DBF4B: variants seen among roughly 807,000 people sequenced by gnomAD.
DBF4B encodes protein DBF4 homolog B.
A neutral mutation model predicts 53.4 loss-of-function variants in DBF4B; 49 were observed. The ratio of observed to expected loss-of-function variants is 0.92; its 90% CI spans 0.73 to 1.16. The LOEUF (loss-of-function observed/expected upper bound fraction) is 1.16, where lower values mean the gene tolerates loss of function less well. Ranked by LOEUF, DBF4B falls within the 50% of genes most tolerant of loss-of-function variation. The pLI, the probability that DBF4B is intolerant of heterozygous loss-of-function variation, is 0.00. For synonymous variants in DBF4B, 257 were observed against 288.7 expected (o/e 0.89, Z 1.11); for missense variants, 692 against 775.0 (o/e 0.89, Z 1.27).
intron 2 of DBF4B, among the ~76,000 whole-genome samples, chr17:44,714,285 A>G (rs537415952): frequency 1.3e-5 from 2 of 152,286 alleles, no homozygotes; most frequent in East Asian, 3.9e-4. Context: ...GAACTCATCC[A>G]GGTAACCAAA....
chr17:44,721,598 T>G (rs1973850790), intron 2 of DBF4B, among the ~76,000 whole-genome samples: 1 of 152,092 alleles, frequency 6.6e-6, no homozygotes, highest in African/African-American at 2.4e-5. Flanking sequence ...TTTATTATAC[T>G]TCAATGGTTT....
intron 3 of DBF4B, among the ~76,000 whole-genome samples, chr17:44,723,309 G>T (rs1010966819): frequency 1.3e-5 from 2 of 152,120 alleles, no homozygotes; most frequent in Admixed American, 6.6e-5. Context: ...GTTTCACCTT[G>T]TTGGCCAGGG....
At position 44,749,179 on chromosome 17, in the gene DBF4B, A is replaced by C. The variant is rs978591042; in HGVS notation, c.1189+714A>C. 2.6e-5 allele frequency: 33 copies of C among 1,289,640 alleles called. No individual in the cohort carries two copies. In the Middle Eastern group the frequency reaches 1.1e-3, roughly 42 times the overall value. The allele number at this position is 1,289,640 out of a possible 1,614,324, so 79.9% of individuals were successfully genotyped here. On this transcript the variant is annotated intron_variant, in intron 13 of 13. Transcript: ENST00000315005. This position sits in a 1 kb window ranked among gnomAD's most constrained non-coding sequence, Gnocchi z 4.4. ...CTCCCTCCTGCAGCCCCTGCCAGCCAGTGCGGGAGCCAGCTGTTCCCGATG... is the reference window on the plus strand; with the variant it reads ...CTCCCTCCTGCAGCCCCTGCCAGCCCGTGCGGGAGCCAGCTGTTCCCGATG...
At chr17:44,717,074 C>T (rs1213024667) in intron 2 of DBF4B, among the ~76,000 whole-genome samples, 3 of 152,136 alleles carry the variant, frequency 2.0e-5, no homozygotes, top group Non-Finnish European at 4.4e-5. Context: ...TATGCAGAAG[C>T]CTGGATCATT....
intron 2 of DBF4B, among the ~76,000 whole-genome samples, chr17:44,710,705 G>T (rs1972788172): frequency 6.6e-6 from 1 of 151,780 alleles, no homozygotes. Flanking sequence ...AGCTGGGACT[G>T]CAGGCACTCA....
intron 2 of DBF4B, among the ~76,000 whole-genome samples, chr17:44,719,607 C>G (rs1422521377): frequency 6.6e-6 from 1 of 152,166 alleles, no homozygotes; most frequent in Non-Finnish European, 1.5e-5. Context: ...CCATGTGGTG[C>G]CATGTGTCAG....
At chr17:44,717,444 C>G (rs191875196) in intron 2 of DBF4B, among the ~76,000 whole-genome samples, 2 of 151,892 alleles carry the variant, frequency 1.3e-5, no homozygotes, top group Non-Finnish European at 2.9e-5. Context: ...TGGTGGCTCA[C>G]GCCTGTAATC....
At chr17:44,750,330 A>C in intron 13 of DBF4B, 1 of 1,259,462 alleles carries the variant, frequency 7.9e-7, no homozygotes, top group Non-Finnish European at 1.0e-6. Context: ...TGTCTCTTTA[A>C]ATGTTGAAGC....
At chr17:44,729,626 A>G (rs1249619932) in intron 3 of DBF4B, among the ~76,000 whole-genome samples, 1 of 151,690 alleles carries the variant, frequency 6.6e-6, no homozygotes, top group Non-Finnish European at 1.5e-5. Context: ...CAAAGCCCGC[A>G]GCCTTCTGCC....
At chr17:44,716,209 T>G (rs1485609843) in intron 2 of DBF4B, among the ~76,000 whole-genome samples, 1 of 152,102 alleles carries the variant, frequency 6.6e-6, no homozygotes, top group African/African-American at 2.4e-5. Context: ...GAGAAGGGGT[T>G]GTCAACTTGA....
Position 44,728,308 on chromosome 17 carries a change from T to G in DBF4B, c.226-1597T>G, listed in dbSNP as rs1352603327. On this transcript the variant is annotated intron_variant, in intron 3 of 13. Coordinates refer to ENST00000315005, the MANE Select transcript of DBF4B (RefSeq NM_145663.3). The stretch of plus-strand genomic sequence containing the variant: ...GCTCCAGAACTCACACATCATAATT[T>G]CCACATGTTCTATTGGTCCAATCGA... Among the ~76,000 whole-genome samples the G allele has an allele frequency of 3.3e-5, 5 of 152,244 alleles. No individual in the cohort carries two copies. The East Asian group carries it at 7.7e-4, about 23-fold the overall frequency.
At position 44,749,976 on chromosome 17, in the gene DBF4B, C is replaced by T; in HGVS notation, c.1190-619C>T. On this transcript the variant is annotated intron_variant, in intron 13 of 13. Coordinates refer to ENST00000315005, the MANE Select transcript of DBF4B (RefSeq NM_145663.3). This position sits in a 1 kb window ranked among gnomAD's most constrained non-coding sequence, Gnocchi z 4.4. ...GCACCACTCACAGAGCTCCCTCCCC[C>T]AGGCACTTAGTTGGGGCCCAGCACT... 9.9e-7 allele frequency: 1 copy of T among 1,006,446 alleles called. No homozygotes were observed. The highest frequency in any genetic ancestry group is 1.2e-6 in the Non-Finnish European group (1 of 842,022). The allele number at this position is 1,006,446 out of a possible 1,614,324, so 62.3% of individuals were successfully genotyped here.
chr17:44,751,489 C>A lies in DBF4B; in HGVS notation c.*236C>A. ...TTTCTGAAGAGGTGTCCTCCCTCCA[C>A]AAGTCACACTGTCTGTCCCTGGCCC... is the stretch of plus-strand genomic sequence containing the variant. On this transcript the variant is annotated 3_prime_UTR_variant, in exon 14 of 14. Coordinates refer to ENST00000315005, the MANE Select transcript of DBF4B (RefSeq NM_145663.3). 1 of 1,403,710 alleles carries A rather than the reference C, an allele frequency of 7.1e-7. No individual in the cohort carries two copies. The allele number at this position is 1,403,710 out of a possible 1,614,324, so 87.0% of individuals were successfully genotyped here. A position where few individuals can be genotyped will look rare whatever the true frequency, so the allele number is the denominator to read the frequency against.
chr17:44,751,280 G>T lies in DBF4B; in HGVS notation c.*27G>T. 1 of 1,596,624 alleles carries T rather than the reference G, an allele frequency of 6.3e-7. No homozygotes were observed. Reference sequence around the variant, plus strand: ...GGTGAACCCAGAACACCTGAGACTTGACCCAGGATGGATGGGTGCTGCTTG... The same window carrying T: ...GGTGAACCCAGAACACCTGAGACTTTACCCAGGATGGATGGGTGCTGCTTG... On this transcript the variant is annotated 3_prime_UTR_variant, in exon 14 of 14. Coordinates refer to ENST00000315005, the MANE Select transcript of DBF4B (RefSeq NM_145663.3).
intron 7 of DBF4B, among the ~76,000 whole-genome samples, chr17:44,735,292 A>AGTTTCTAG (rs1214716891): frequency 2.0e-5 from 3 of 152,202 alleles, no homozygotes; most frequent in Non-Finnish European, 4.4e-5. Flanking sequence ...AAGTGTGAAC[A>AGTTTCTAG]GTTTCTAGGA....
chr17:44,712,042 AGCCGAGACTGT>A (rs1371987885), intron 2 of DBF4B, among the ~76,000 whole-genome samples: 1 of 150,308 alleles, frequency 6.7e-6, no homozygotes, highest in African/African-American at 2.4e-5. Context: ...GGTTGCAGTG[AGCCGAGACTGT>A]GCCATTGCAC....
rs775636978 is a variant in DBF4B, at chr17:44,749,314, G to T, written c.1189+849G>T. The T allele has an allele frequency of 6.2e-6, 8 of 1,290,010 alleles. 1 individual carries two copies. Among genetic ancestry groups the T allele is most frequent in the Non-Finnish European group, 4.0e-6 (4 of 988,854 alleles). The allele number at this position is 1,290,010 out of a possible 1,614,324, so 79.9% of individuals were successfully genotyped here. A position where few individuals can be genotyped will look rare whatever the true frequency, so the allele number is the denominator to read the frequency against. ...TGCTGGCAGAGAGCTGCTCCTACGA[G>T]TCCCCAAGGTGCTTGGCTCTTCACA... On this transcript the variant is annotated intron_variant, in intron 13 of 13. Coordinates refer to ENST00000315005, the MANE Select transcript of DBF4B (RefSeq NM_145663.3). This position sits in a 1 kb window ranked among gnomAD's most constrained non-coding sequence, Gnocchi z 4.4.
At chr17:44,712,301 C>CTTTTTTTT (rs1163777667) in intron 2 of DBF4B, among the ~76,000 whole-genome samples, 8 of 71,934 alleles carry the variant, frequency 1.1e-4, no homozygotes, top group Non-Finnish European at 1.4e-4. Flanking sequence ...ATTATGTCTT[C>CTTTTTTTT]TTTTTTTTTT....
intron 2 of DBF4B, among the ~76,000 whole-genome samples, chr17:44,714,498 C>T (rs1973159709): frequency 6.6e-6 from 1 of 151,932 alleles, no homozygotes; most frequent in South Asian, 2.1e-4. Flanking sequence ...TTTCACTAAA[C>T]AAGTAAGAGG....
Sources: allele counts gnomAD v4.1 joint callset (sites outside exome capture counted in the v4.1 genomes callset), GRCh38; gene constraint gnomAD v4.1.1; non-coding constraint Gnocchi (gnomAD v3.1); transcripts MANE v1.5; gene names NCBI Gene and HGNC (gene_info 2026-07-23, HGNC 2026-07-21).